CD302: variants seen among roughly 807,000 people sequenced by gnomAD.
CD302 encodes the protein CD302 antigen.
CD302 carries 23 observed loss-of-function variants against 26.5 expected under a neutral mutation model. The ratio of observed to expected loss-of-function variants is 0.87; its 90% confidence interval spans 0.62 to 1.23. CD302 has a LOEUF of 1.23. Among genes scored for constraint, CD302 ranks in the 50% most tolerant of loss-of-function variants. The pLI, the probability that CD302 is intolerant of heterozygous loss-of-function variation, is 0.00. For missense variants in CD302, 290 were observed against 275.5 expected, an observed-to-expected ratio of 1.05 and a Z score of -0.37; for synonymous variants, 90 against 99.4, an observed-to-expected ratio of 0.91 and a Z score of 0.56.
At chr2:159,774,167 A>C (rs536366363) in intron 5 of CD302, among the ~76,000 whole-genome samples, 1 of 152,068 alleles carries the variant, frequency 6.6e-6, no homozygotes, top group South Asian at 2.1e-4. Context: ...ACTGCTTCCT[A>C]GTCATCTTTG....
chr2:159,780,766 A>T, intron 3 of CD302, 116 bp downstream of exon 3: 1 of 928,866 alleles, frequency 1.1e-6, no homozygotes, highest in Non-Finnish European at 1.7e-6. Context: ...CTGAAAATTT[A>T]ACACCTGGAG....
In CD302 at chr2:159,769,676, G is replaced by T. The variant is rs1226192983; in HGVS notation, c.*2175C>A. On this transcript the variant is annotated 3_prime_UTR_variant, in exon 6 of 6. Transcript: ENST00000259053. ...TATATATAGCACTTCATTACCAGAG[G>T]CCTCTTGGCCTGTTGAAAAATGAAA... 6.6e-6 allele frequency: 1 copy of T among 151,746 alleles called. No individual in the cohort carries two copies. Among genetic ancestry groups the T allele is most frequent in the Non-Finnish European group, 1.5e-5 (1 of 67,990 alleles). 9.4% of individuals were successfully genotyped at this position (151,746 alleles called of 1,614,324 possible). A position where few individuals can be genotyped will look rare whatever the true frequency, so the allele number is the denominator to read the frequency against.
chr2:159,776,579 AGATTAATGAG>A (rs1708333152), intron 5 of CD302, among the ~76,000 whole-genome samples: 1 of 152,142 alleles, frequency 6.6e-6, no homozygotes, highest in South Asian at 2.1e-4. Flanking sequence ...TTCTTCCTAT[AGATTAATGAG>A]GATGTAATTC....
chr2:159,786,405 C>T (rs1708666821), intron 1 of CD302, among the ~76,000 whole-genome samples: 1 of 149,960 alleles, frequency 6.7e-6, no homozygotes, highest in Non-Finnish European at 1.5e-5. Flanking sequence ...GCGATCTCAG[C>T]TCAATGCAAC....
chr2:159,797,035 T>C (rs1204830645), intron 1 of CD302, among the ~76,000 whole-genome samples: 1 of 152,290 alleles, frequency 6.6e-6, no homozygotes, highest in South Asian at 2.1e-4. Context: ...GCCCCTTTGA[T>C]AGGCAGCAGA....
intron 1 of CD302, among the ~76,000 whole-genome samples, chr2:159,792,450 G>A (rs867447523): frequency 7.0e-6 from 1 of 143,488 alleles, no homozygotes; most frequent in Admixed American, 6.8e-5. Context: ...GTGTGTGTGT[G>A]TGTGTGTGTG....
intron 1 of CD302, among the ~76,000 whole-genome samples, chr2:159,787,162 T>C (rs537547035): frequency 6.6e-6 from 1 of 152,362 alleles, no homozygotes; most frequent in African/African-American, 2.4e-5. Context: ...TAGAAGTAGA[T>C]TGCTGGGGCC....
chr2:159,795,339 GCAATC>G (rs1460179415), intron 1 of CD302, among the ~76,000 whole-genome samples: 1 of 152,048 alleles, frequency 6.6e-6, no homozygotes, highest in East Asian at 1.9e-4. Context: ...GAAAAAAATT[GCAATC>G]CACTTATCCT....
rs923869831 is a variant in CD302, at chr2:159,780,871, A to G, written c.295+11T>C. ...AACAAAGTCACGTCCCACGAGGTAAATATCACTTACCATCTGTGTCATAAA... is the reference window on the plus strand; with the variant it reads ...AACAAAGTCACGTCCCACGAGGTAAGTATCACTTACCATCTGTGTCATAAA... On this transcript the variant is annotated intron_variant, in intron 3 of 5. Coordinates refer to ENST00000259053, the MANE Select transcript of CD302 (RefSeq NM_014880.5). The G allele has an allele frequency of 6.2e-7, 1 of 1,602,312 alleles. No individual in the cohort carries two copies. Among genetic ancestry groups the G allele is most frequent in the South Asian group, 1.1e-5 (1 of 90,112 alleles).
chr2:159,792,393 G>A (rs1207206330), intron 1 of CD302, among the ~76,000 whole-genome samples: 1 of 151,480 alleles, frequency 6.6e-6, no homozygotes, highest in Non-Finnish European at 1.5e-5. Context: ...GTATTAGTCA[G>A]GGTTCTCCAG....
chr2:159,782,697 C>G (rs1708554852), intron 2 of CD302, among the ~76,000 whole-genome samples: 1 of 151,228 alleles, frequency 6.6e-6, no homozygotes, highest in Admixed American at 6.6e-5. Flanking sequence ...TGCACTCAAG[C>G]CTGGGGGACA....
At chr2:159,774,930 A>T (rs2125792811) in intron 5 of CD302, among the ~76,000 whole-genome samples, 1 of 152,262 alleles carries the variant, frequency 6.6e-6, no homozygotes, top group South Asian at 2.1e-4. Flanking sequence ...TTACTCCTTA[A>T]AGTCAGACTA....
At chr2:159,789,559 T>G (rs1329924655) in intron 1 of CD302, among the ~76,000 whole-genome samples, 1 of 34,374 alleles carries the variant, frequency 2.9e-5, no homozygotes, top group Non-Finnish European at 5.5e-5. Flanking sequence ...CTTAGGCCTG[T>G]TTTTTTTTTT....
intron 5 of CD302, among the ~76,000 whole-genome samples, chr2:159,777,518 T>TACTC (rs1574488624): frequency 1.3e-5 from 2 of 152,204 alleles, no homozygotes; most frequent in East Asian, 1.9e-4. Flanking sequence ...TTCTAGAATA[T>TACTC]ACTCAAAGAA....
rs1158379837 is a variant in CD302 at position 159,780,193 on chromosome 2, A to G, written c.296-15T>C. The G allele has an allele frequency of 1.9e-6, 3 of 1,612,468 alleles. No individual in the cohort carries two copies. The highest frequency in any genetic ancestry group is 1.1e-5 in the South Asian group (1 of 90,924). Reference sequence around the variant, plus strand: ...GAAACTCGCATCTGTCAATTAAGGAATATTTTCAACATTATGACAGTTTTA... The same window carrying G: ...GAAACTCGCATCTGTCAATTAAGGAGTATTTTCAACATTATGACAGTTTTA... On this transcript the variant is annotated splice_polypyrimidine_tract_variant and intron_variant, in intron 3 of 5. Coordinates refer to ENST00000259053, the MANE Select transcript of CD302 (RefSeq NM_014880.5).
At chr2:159,774,079 C>T (rs979795771) in intron 5 of CD302, among the ~76,000 whole-genome samples, 1 of 136,620 alleles carries the variant, frequency 7.3e-6, no homozygotes, top group Non-Finnish European at 1.7e-5. Flanking sequence ...CATCCTGGGG[C>T]AACTAGATTG....
chr2:159,798,013 G>A, intron 1 of CD302, 119 bp downstream of exon 1: 1 of 954,792 alleles, frequency 1.0e-6, no homozygotes, highest in Admixed American at 2.9e-5. Context: ...GGGCGGGATG[G>A]CCGGCCGGGT....
At chr2:159,773,545 G>A (rs1708219623) in intron 5 of CD302, among the ~76,000 whole-genome samples, 1 of 152,164 alleles carries the variant, frequency 6.6e-6, no homozygotes, top group Non-Finnish European at 1.5e-5. Context: ...AAAAGACCGG[G>A]TATCCTAAGA....
At chr2:159,783,326 G>GA (rs754273432) in intron 2 of CD302, 33 bp downstream of exon 2, 188 of 1,521,648 alleles carry the variant, frequency 1.2e-4, no homozygotes, top group Non-Finnish European at 1.5e-4. Flanking sequence ...ACTAATTTGT[G>GA]AAAAAACAAA....
Sources: allele counts gnomAD v4.1 joint callset (sites outside exome capture counted in the v4.1 genomes callset), GRCh38; gene constraint gnomAD v4.1.1; transcripts MANE v1.5; gene names NCBI Gene and HGNC (gene_info 2026-07-23, HGNC 2026-07-21).